Variants in ABCA10 observed in about 807,000 individuals in gnomAD.
ABCA10 encodes the protein ATP-binding cassette sub-family A member 10.
A neutral mutation model predicts 187.5 loss-of-function variants in ABCA10; 169 were observed. The ratio of observed to expected loss-of-function variants is 0.90; its 90% CI spans 0.80 to 1.02. The LOEUF (loss-of-function observed/expected upper bound fraction) is 1.02, where lower values mean the gene tolerates loss of function less well. ABCA10 is among the 50% of genes least tolerant of loss of function. The pLI is 0.00. For synonymous variants in ABCA10, 574 were observed against 601.8 expected (o/e 0.95, Z 0.68); for missense variants, 1,727 against 1,812.4 (o/e 0.95, Z 0.86).
intron 19 of ABCA10, 145 bp downstream of exon 19, chr17:69,187,536 A>T: frequency 1.2e-6 from 1 of 858,162 alleles, no homozygotes; most frequent in Non-Finnish European, 1.7e-6. Context: ...TGAGGCAGTC[A>T]GGCCCTTTTC....
chr17:69,186,403 G>C (rs1049041619), intron 19 of ABCA10, among the ~76,000 whole-genome samples: 6 of 152,122 alleles, frequency 3.9e-5, no homozygotes, highest in African/African-American at 1.2e-4. Flanking sequence ...GTAGATAATA[G>C]ATCTTTGCTC....
chr17:69,217,383 C>T (rs9891283), intron 6 of ABCA10, among the ~76,000 whole-genome samples: 109,804 of 152,102 alleles, frequency 0.72, 40,037 homozygotes, highest in African/African-American at 0.77. Context: ...ACAACCACCA[C>T]ATGATCCAGC....
At chr17:69,182,832 C>CAA (rs745799056) in intron 20 of ABCA10, 24 bp from the exon 21 acceptor site, 4 of 1,300,002 alleles carry the variant, frequency 3.1e-6, no homozygotes, top group South Asian at 3.8e-5. Context: ...AGGAAGGCAA[C>CAA]AAGAAAAAAA....
At chr17:69,183,514 C>A (rs1310319267) in intron 20 of ABCA10, among the ~76,000 whole-genome samples, 1 of 152,110 alleles carries the variant, frequency 6.6e-6, no homozygotes, top group Non-Finnish European at 1.5e-5. Context: ...CAGCTGCAGG[C>A]TCCATGAGAC....
Position 69,174,755 on chromosome 17 carries a change from C to A in ABCA10, c.2900G>T (p.Trp967Leu). 4 of 1,589,052 alleles carry A rather than the reference C, an allele frequency of 2.5e-6. No homozygotes were observed. Among genetic ancestry groups the A allele is most frequent in the Non-Finnish European group, 3.4e-6 (4 of 1,171,058 alleles). The change falls in exon 24 of 39, where the codon TGG becomes TTG. Residue 967 changes from tryptophan to leucine, a missense_variant. Coordinates refer to ENST00000690296, the MANE Select transcript of ABCA10 (RefSeq NM_001377321.1). ...DYKKNVQSQL[W>L]ISGLWPSAYW... is the part of the protein sequence containing the mutation. ...TGCTGAAGGCCAGAGGCCTGAAATC[C>A]ATAACTGGGATTGAACATTTTTCTG... is the stretch of plus-strand genomic sequence containing the variant.
At chr17:69,149,126 T>A in intron 37 of ABCA10, 38 bp from the exon 38 acceptor site, 1 of 1,609,904 alleles carries the variant, frequency 6.2e-7, no homozygotes, top group South Asian at 1.1e-5. Flanking sequence ...GCTTATATAT[T>A]TTTCACCAAG....
At chr17:69,183,382 G>C (rs2074395268) in intron 20 of ABCA10, among the ~76,000 whole-genome samples, 1 of 152,118 alleles carries the variant, frequency 6.6e-6, no homozygotes, top group Non-Finnish European at 1.5e-5. Flanking sequence ...TGGTCACAGG[G>C]AGAAGTCAAG....
intron 2 of ABCA10, among the ~76,000 whole-genome samples, chr17:69,225,819 G>GT (rs2074789451): frequency 6.6e-6 from 1 of 152,044 alleles, no homozygotes; most frequent in South Asian, 2.1e-4. Context: ...TTGAAGCAAC[G>GT]TAAGTATATG....
intron 18 of ABCA10, among the ~76,000 whole-genome samples, chr17:69,188,805 G>A (rs1598104613): frequency 6.6e-6 from 1 of 151,982 alleles, no homozygotes; most frequent in Admixed American, 6.6e-5. Context: ...TTCTGTTCCT[G>A]TGTTAATTTC....
intron 17 of ABCA10, among the ~76,000 whole-genome samples, chr17:69,190,699 G>A (rs1207503006): frequency 6.6e-6 from 1 of 151,656 alleles, no homozygotes; most frequent in African/African-American, 2.4e-5. Flanking sequence ...TAAAATTCTT[G>A]TATCATTATT....
chr17:69,178,803 T>C (rs2074355727), intron 22 of ABCA10: 1 of 152,134 alleles, frequency 6.6e-6, no homozygotes, highest in Admixed American at 6.5e-5. Flanking sequence ...AAAATACCTG[T>C]TTCTGGTGAA....
intron 22 of ABCA10, among the ~76,000 whole-genome samples, chr17:69,179,788 C>G (rs960823685): frequency 1.3e-5 from 2 of 152,140 alleles, no homozygotes; most frequent in African/African-American, 4.8e-5. Flanking sequence ...AGGGGAAAAC[C>G]CCAAATACCA....
rs539151409 is a variant in ABCA10 at position 69,200,857 on chromosome 17, C to A, written c.1175+643G>T. 3.9e-5 allele frequency among the ~76,000 whole-genome samples: 6 copies of A among 152,308 alleles called. No homozygotes were observed. In the East Asian group the frequency reaches 9.7e-4, roughly 25 times the overall value. ...CCTCCCCAGTAGCTGGGACTACAGG[C>A]ATGCACCACCATGCCTGGCTAATTT... On this transcript the variant is annotated intron_variant, in intron 10 of 38. Transcript: ENST00000690296.
chr17:69,241,930 G>A (rs957693635), intron 1 of ABCA10, among the ~76,000 whole-genome samples: 1 of 152,070 alleles, frequency 6.6e-6, no homozygotes, highest in Non-Finnish European at 1.5e-5. Context: ...AAAGACTTTA[G>A]GCACCATCAT....
chr17:69,224,422 G>A (rs2144851140), intron 3 of ABCA10, among the ~76,000 whole-genome samples: 1 of 152,230 alleles, frequency 6.6e-6, no homozygotes, highest in Non-Finnish European at 1.5e-5. Context: ...TAAGATTGCT[G>A]AAGAAAAGAA....
intron 11 of ABCA10, 70 bp downstream of exon 11, chr17:69,196,994 G>A (rs1017220172): frequency 2.6e-6 from 3 of 1,145,184 alleles, no homozygotes; most frequent in Non-Finnish European, 3.7e-6. Context: ...GGCATCAGAG[G>A]GAGACCGTGG....
At chr17:69,232,426 G>A (rs968789529), upstream of ABCA10, among the ~76,000 whole-genome samples, 3 of 151,324 alleles carry the variant, frequency 2.0e-5, no homozygotes, top group Non-Finnish European at 4.4e-5. Flanking sequence ...TTACCGTAAG[G>A]CTGACAAAAA....
intron 10 of ABCA10, among the ~76,000 whole-genome samples, chr17:69,199,342 G>A (rs781539910): frequency 1.2e-4 from 19 of 152,134 alleles, no homozygotes; most frequent in Non-Finnish European, 1.0e-4. Context: ...ATTAATCTCT[G>A]TATCCTAATT....
intron 24 of ABCA10, 70 bp from the exon 25 acceptor site, chr17:69,174,464 A>G: frequency 3.4e-6 from 5 of 1,450,090 alleles, no homozygotes; most frequent in Non-Finnish European, 4.7e-6. Context: ...AGGGGAGATA[A>G]TCAGGTCATA....
Sources: allele counts gnomAD v4.1 joint callset (sites outside exome capture counted in the v4.1 genomes callset), GRCh38; gene constraint gnomAD v4.1.1; transcripts MANE v1.5; gene names NCBI Gene and HGNC (gene_info 2026-07-23, HGNC 2026-07-21).